The following SPAG6 variants were observed in gnomAD, a reference collection of about 807,000 sequenced individuals.
SPAG6 encodes the protein sperm associated antigen 6.
A neutral mutation model predicts 58.5 loss-of-function variants in SPAG6; 49 were observed. That is an observed-to-expected ratio of 0.84 (90% confidence interval 0.67 to 1.06). The LOEUF is 1.06. Ranked by LOEUF, SPAG6 falls within the 50% of genes least tolerant of loss-of-function variation. The pLI is 0.00. For synonymous variants in SPAG6, 233 were observed against 225.6 expected (o/e 1.03, Z -0.29); for missense variants, 560 against 611.3 (o/e 0.92, Z 0.89).
chr10:22,407,830 C>T (rs1254184267), intron 9 of SPAG6, among the ~76,000 whole-genome samples: 4 of 151,752 alleles, frequency 2.6e-5, no homozygotes, highest in African/African-American at 4.9e-5. Flanking sequence ...GGAGGCTTTG[C>T]TCATTTCTTT....
At chr10:22,387,345 T>C (rs1330898776) in intron 5 of SPAG6, among the ~76,000 whole-genome samples, 1 of 152,196 alleles carries the variant, frequency 6.6e-6, no homozygotes, top group Non-Finnish European at 1.5e-5. Flanking sequence ...TGATTTTTAG[T>C]TAATAGTCAC....
chr10:22,372,619 GA>G (rs1180956363), intron 4 of SPAG6, among the ~76,000 whole-genome samples: 4 of 152,224 alleles, frequency 2.6e-5, no homozygotes, highest in Non-Finnish European at 4.4e-5. Context: ...GCCGTCTGTG[GA>G]GACAGTGGCC....
intron 4 of SPAG6, 49 bp from the exon 5 acceptor site, chr10:22,386,705 C>A: frequency 6.8e-7 from 1 of 1,472,350 alleles, no homozygotes; most frequent in Non-Finnish European, 9.5e-7. Flanking sequence ...ATGGCTTGCA[C>A]AAGGGTCAGT....
chr10:22,356,525 T>C (rs1836873012), intron 2 of SPAG6, among the ~76,000 whole-genome samples: 1 of 152,254 alleles, frequency 6.6e-6, no homozygotes, highest in South Asian at 2.1e-4. Context: ...CCAAATTTGA[T>C]CTGACCCCAA....
chr10:22,357,128 C>G (rs1200673068), intron 2 of SPAG6, among the ~76,000 whole-genome samples: 2 of 152,104 alleles, frequency 1.3e-5, no homozygotes, highest in Non-Finnish European at 2.9e-5. Context: ...TCCTTTCTCT[C>G]CATCCCCTCC....
In SPAG6 at chr10:22,359,880, TG is replaced by T. The variant is rs542782617; in HGVS notation, c.122-4966del. Among the ~76,000 whole-genome samples, 20 of 152,178 alleles carry T rather than the reference TG, an allele frequency of 1.3e-4. No homozygotes were observed. The South Asian group carries it at 1.5e-3, about 11-fold the overall frequency. On this transcript the variant is annotated intron_variant, in intron 2 of 10. Coordinates refer to ENST00000376624, the MANE Select transcript of SPAG6 (RefSeq NM_012443.4). ...GGTTTGTTACATAGGTAAACGTTGTTGGGGGGGATACTTGTTTTTAAAAGAA... is the reference window on the plus strand; with the variant it reads ...GGTTTGTTACATAGGTAAACGTTGTTGGGGGGATACTTGTTTTTAAAAGAA...
Position 22,405,036 on chromosome 10 carries a change from G to A in SPAG6, c.1314+3759G>A, listed in dbSNP as rs368927045. Among the ~76,000 whole-genome samples, 54 of 152,280 alleles carry A rather than the reference G, an allele frequency of 3.5e-4. No homozygotes were observed. In the East Asian group the frequency reaches 9.0e-3, roughly 26 times the overall value. ...GCTTATCAGCTTAAAGAGATTTTGG[G>A]CTGAGACAATGGGGTTTTCTAGATA... is the stretch of plus-strand genomic sequence containing the variant. On this transcript the variant is annotated intron_variant, in intron 9 of 10. Coordinates refer to ENST00000376624, the MANE Select transcript of SPAG6 (RefSeq NM_012443.4).
At chr10:22,394,565 A>G (rs577079222) in intron 8 of SPAG6, among the ~76,000 whole-genome samples, 4 of 152,262 alleles carry the variant, frequency 2.6e-5, no homozygotes, top group African/African-American at 9.6e-5. Flanking sequence ...ATCTAATTTT[A>G]GAATATTTTT....
intron 2 of SPAG6, among the ~76,000 whole-genome samples, chr10:22,350,777 C>T (rs925336955): frequency 5.3e-5 from 8 of 151,988 alleles, no homozygotes; most frequent in African/African-American, 1.7e-4. Context: ...TTTTGTTTTC[C>T]CCACTAAACC....
At chr10:22,412,726 C>T in intron 10 of SPAG6, 1 of 366,008 alleles carries the variant, frequency 2.7e-6, no homozygotes, top group Non-Finnish European at 4.9e-6. Context: ...CACACGCTAC[C>T]ACTCCCAGCT....
At chr10:22,396,475 T>C (rs1011430361) in intron 8 of SPAG6, among the ~76,000 whole-genome samples, 1 of 152,194 alleles carries the variant, frequency 6.6e-6, no homozygotes, top group African/African-American at 2.4e-5. Context: ...TTCTTCCCCA[T>C]GTCGGGTATG....
intron 3 of SPAG6, among the ~76,000 whole-genome samples, chr10:22,366,876 A>C (rs971751057): frequency 6.6e-6 from 1 of 152,300 alleles, no homozygotes; most frequent in African/African-American, 2.4e-5. Flanking sequence ...CTACAGCAGA[A>C]AAGTGAGGAG....
chr10:22,404,898 A>G (rs1834512409), intron 9 of SPAG6, among the ~76,000 whole-genome samples: 1 of 152,132 alleles, frequency 6.6e-6, no homozygotes. Context: ...TTCTCTTTGA[A>G]GCAATTGTGA....
Position 22,413,688 on chromosome 10 carries a change from GAT to G in SPAG6, c.1460+2531_1460+2532del, listed in dbSNP as rs59765652. ...ACCTGACTAATGTTTTCAAATTTCTGATATATATATATATATATATTTCACCC... is the reference window on the plus strand; with the variant it reads ...ACCTGACTAATGTTTTCAAATTTCTGATATATATATATATATATTTCACCC... On this transcript the variant is annotated intron_variant, in intron 10 of 10. Transcript: ENST00000376624. 1.4e-3 allele frequency among the ~76,000 whole-genome samples: 193 copies of G among 141,220 alleles called. 3 individuals are homozygous for G. The highest frequency in any genetic ancestry group is 2.0e-3 in the African/African-American group (69 of 35,266). 92.6% of individuals were successfully genotyped at this position (141,220 alleles called of 152,430 possible).
At chr10:22,411,700 A>C (rs1024375179) in intron 10 of SPAG6, 2 of 152,232 alleles carry the variant, frequency 1.3e-5, no homozygotes, top group African/African-American at 4.8e-5. Context: ...CAGGATTAAT[A>C]AAAAAGATTC....
At chr10:22,404,978 A>C (rs1834514461) in intron 9 of SPAG6, among the ~76,000 whole-genome samples, 1 of 151,834 alleles carries the variant, frequency 6.6e-6, no homozygotes. Context: ...ATTTTTGTAC[A>C]TTGATTTTGT....
rs552209012 is a variant in SPAG6 at position 22,376,461 on chromosome 10, A to G, written c.472+7783A>G. 7.9e-5 allele frequency among the ~76,000 whole-genome samples: 12 copies of G among 152,286 alleles called. No individual in the cohort carries two copies. In the South Asian group the frequency reaches 1.2e-3, roughly 16 times the overall value. On this transcript the variant is annotated intron_variant, in intron 4 of 10. Transcript: ENST00000376624. ...ATTACATTATGTAGATAATATTTCT[A>G]TTGGGTAGCACATAAAATTACTGTG...
chr10:22,362,215 A>G (rs1410904964), intron 2 of SPAG6, among the ~76,000 whole-genome samples: 2 of 147,676 alleles, frequency 1.4e-5, no homozygotes, highest in African/African-American at 2.5e-5. Context: ...ATATATATGT[A>G]TATATGTATA....
intron 4 of SPAG6, among the ~76,000 whole-genome samples, chr10:22,374,202 T>A (rs1488921725): frequency 1.3e-5 from 2 of 152,226 alleles, no homozygotes; most frequent in Non-Finnish European, 2.9e-5. Flanking sequence ...TATATGAGGC[T>A]AGCAATTCAT....
Sources: gnomAD v4.1 joint callset for allele counts (sites outside exome capture counted in the v4.1 genomes callset) on GRCh38, gnomAD v4.1.1 for gene constraint, MANE v1.5 for transcripts, NCBI Gene and HGNC (gene_info 2026-07-23, HGNC 2026-07-21) for gene names.